The following RALYL variants were observed in gnomAD, a reference collection of about 807,000 sequenced individuals.
The protein encoded by RALYL is RALY RNA binding protein like.
In RALYL, 29 loss-of-function variants were observed where a neutral mutation model predicts 35.1. The observed-to-expected ratio is 0.83, with a 90% CI of 0.61 to 1.13. The LOEUF is 1.13. Among genes scored for constraint, RALYL ranks in the 50% most tolerant of loss-of-function variants. The pLI is 0.00. For missense variants in RALYL, 359 were observed against 360.4 expected, an observed-to-expected ratio of 1.00 and a Z score of 0.03; for synonymous variants, 120 against 127.6, an observed-to-expected ratio of 0.94 and a Z score of 0.40.
intron 1 of RALYL, among the ~76,000 whole-genome samples, chr8:84,325,334 A>T (rs867475866): frequency 3.9e-5 from 6 of 152,214 alleles, no homozygotes; most frequent in Admixed American, 6.5e-5. Flanking sequence ...TAATAAATTT[A>T]CTAATTATAC....
At chr8:84,798,731 TA>T (rs1351343060) in intron 3 of RALYL, among the ~76,000 whole-genome samples, 38 of 152,250 alleles carry the variant, frequency 2.5e-4, no homozygotes, top group African/African-American at 8.9e-4. Context: ...AATGGGTGGA[TA>T]TTTTTATAAC....
chr8:84,267,822 T>TTTG (rs1222773194), intron 1 of RALYL, among the ~76,000 whole-genome samples: 1 of 152,180 alleles, frequency 6.6e-6, no homozygotes, highest in Non-Finnish European at 1.5e-5. Flanking sequence ...GAGGTGTTTT[T>TTTG]TTGTTGTTGT....
intron 1 of RALYL, among the ~76,000 whole-genome samples, chr8:84,489,765 G>A (rs1249429288): frequency 1.3e-5 from 2 of 151,924 alleles, no homozygotes; most frequent in African/African-American, 2.4e-5. Context: ...CATGCCATGA[G>A]AAAGCAATTA....
intron 3 of RALYL, among the ~76,000 whole-genome samples, chr8:84,784,957 T>A (rs1201146740): frequency 6.6e-6 from 1 of 152,232 alleles, no homozygotes; most frequent in Non-Finnish European, 1.5e-5. Flanking sequence ...TATTTCCAAA[T>A]ATCACAATAC....
chr8:84,475,437 T>G (rs1255746737), intron 1 of RALYL, among the ~76,000 whole-genome samples: 3 of 152,202 alleles, frequency 2.0e-5, no homozygotes, highest in African/African-American at 7.2e-5. Context: ...CCAGGCTGTT[T>G]AAACAACTTA....
chr8:84,766,301 T>C (rs183521521), intron 2 of RALYL, among the ~76,000 whole-genome samples: 22 of 152,206 alleles, frequency 1.4e-4, no homozygotes, highest in Admixed American at 7.2e-4. Flanking sequence ...GAATCTTTTT[T>C]TGCAGTTTTA....
rs534949088 is a variant in RALYL, at chr8:84,913,638, T to TTA, written c.859-7255_859-7254insAT. On this transcript the variant is annotated intron_variant, in intron 8 of 8. Transcript: ENST00000521268. ...CAGATTAAACCCAATTTCCAATTCC[T>TTA]TCTACATCTGTTATAATTCTGGAAA... Among the ~76,000 whole-genome samples the TTA allele has an allele frequency of 4.0e-3, 602 of 152,136 alleles. 5 individuals are homozygous for TTA. The highest frequency in any genetic ancestry group is 0.013 in the African/African-American group (544 of 41,538).
chr8:84,364,393 A>G lies in RALYL; in HGVS notation c.-23-164906A>G, dbSNP rs527540402. ...TGACAATAACCCTCTGATAGAAACT[A>G]AAAACATTTTAATATTTCAATGAAG... On this transcript the variant is annotated intron_variant, in intron 1 of 8. Coordinates refer to ENST00000521268, the MANE Select transcript of RALYL (RefSeq NM_173848.7). Among the ~76,000 whole-genome samples the G allele has an allele frequency of 5.6e-4, 85 of 152,360 alleles. No homozygotes were observed. In the Middle Eastern group the frequency reaches 0.024, roughly 43 times the overall value.
chr8:84,783,466 A>G (rs1296388666), intron 3 of RALYL, among the ~76,000 whole-genome samples: 1 of 152,198 alleles, frequency 6.6e-6, no homozygotes, highest in Non-Finnish European at 1.5e-5. Flanking sequence ...AGTAGTCCTC[A>G]AGTAAGAGGA....
intron 8 of RALYL, among the ~76,000 whole-genome samples, chr8:84,917,102 T>A (rs1339893505): frequency 6.6e-6 from 1 of 152,176 alleles, no homozygotes; most frequent in African/African-American, 2.4e-5. Context: ...CTGATTTTCC[T>A]AGCCTTTTTA....
At chr8:84,717,468 A>T (rs1004004856) in intron 2 of RALYL, among the ~76,000 whole-genome samples, 2 of 150,024 alleles carry the variant, frequency 1.3e-5, no homozygotes, top group Non-Finnish European at 2.9e-5. Flanking sequence ...TTCAAGCCAA[A>T]TTAACAGTCT....
chr8:84,787,428 G>A (rs1388195670), intron 3 of RALYL, among the ~76,000 whole-genome samples: 1 of 152,014 alleles, frequency 6.6e-6, no homozygotes, highest in Non-Finnish European at 1.5e-5. Flanking sequence ...TTACTGAAGG[G>A]CATTTGGGTT....
intron 1 of RALYL, among the ~76,000 whole-genome samples, chr8:84,318,953 G>A (rs1158836951): frequency 6.6e-6 from 1 of 152,162 alleles, no homozygotes; most frequent in Non-Finnish European, 1.5e-5. Flanking sequence ...GCCAACACAT[G>A]CTGTGTTTGA....
At chr8:84,545,779 T>C (rs1274999112) in intron 2 of RALYL, among the ~76,000 whole-genome samples, 1 of 152,198 alleles carries the variant, frequency 6.6e-6, no homozygotes, top group Non-Finnish European at 1.5e-5. Flanking sequence ...GGGAGTAATA[T>C]TATAATGACA....
chr8:84,438,563 A>T (rs1580900), intron 1 of RALYL, among the ~76,000 whole-genome samples: 70,981 of 150,594 alleles, frequency 0.47, 16,802 homozygotes, highest in South Asian at 0.55. Context: ...TATTTTTTTA[A>T]AAATTTTTTG....
At chr8:84,680,184 C>CT (rs1183160789) in intron 2 of RALYL, among the ~76,000 whole-genome samples, 3 of 152,062 alleles carry the variant, frequency 2.0e-5, no homozygotes, top group African/African-American at 7.2e-5. Context: ...ATGAACTCAT[C>CT]TTTTTTATGG....
intron 4 of RALYL, among the ~76,000 whole-genome samples, chr8:84,808,734 A>G (rs1187951896): frequency 6.6e-6 from 1 of 151,972 alleles, no homozygotes; most frequent in Non-Finnish European, 1.5e-5. Flanking sequence ...TTGGTTAGGT[A>G]TATTCCTAAG....
At chr8:84,560,475 C>A (rs2061410060) in intron 2 of RALYL, among the ~76,000 whole-genome samples, 1 of 151,882 alleles carries the variant, frequency 6.6e-6, no homozygotes, top group Non-Finnish European at 1.5e-5. Flanking sequence ...ACAATGTAGC[C>A]TGGGATATAA....
intron 1 of RALYL, among the ~76,000 whole-genome samples, chr8:84,371,744 A>G (rs1563807172): frequency 2.0e-5 from 3 of 152,230 alleles, no homozygotes; most frequent in South Asian, 2.1e-4. Flanking sequence ...TTAGAGAACT[A>G]TTTCTAAAGA....
Sources: allele counts gnomAD v4.1 joint callset (sites outside exome capture counted in the v4.1 genomes callset), GRCh38; gene constraint gnomAD v4.1.1; transcripts MANE v1.5; gene names NCBI Gene and HGNC (gene_info 2026-07-23, HGNC 2026-07-21).